The following CCDC91 variants were observed in gnomAD, a reference collection of about 807,000 sequenced individuals.
CCDC91 encodes the protein coiled-coil domain-containing protein 91.
Under a neutral mutation model 63.2 loss-of-function variants are expected in CCDC91, and 48 were observed. That is an observed-to-expected ratio of 0.76 (90% CI 0.60 to 0.97). The LOEUF is 0.97. Ranked by LOEUF, CCDC91 falls within the 50% of genes least tolerant of loss-of-function variation. The probability of loss-of-function intolerance (pLI) is 0.00; values close to 1 mark genes in which losing one functional copy is unlikely to be tolerated. For synonymous variants in CCDC91, 167 were observed against 165.8 expected (o/e 1.01, Z -0.06); for missense variants, 500 against 494.6 (o/e 1.01, Z -0.10).
At chr12:28,352,523 A>C (rs1360241535) in intron 6 of CCDC91, among the ~76,000 whole-genome samples, 1 of 152,180 alleles carries the variant, frequency 6.6e-6, no homozygotes, top group Non-Finnish European at 1.5e-5. Flanking sequence ...CCAGAAGTAG[A>C]TTCCATCTCA....
chr12:28,526,234 G>GT (rs1941251052), intron 12 of CCDC91, among the ~76,000 whole-genome samples: 1 of 151,166 alleles, frequency 6.6e-6, no homozygotes, highest in Admixed American at 6.6e-5. Context: ...GTTTTGATGT[G>GT]TTTCCAGAAT....
chr12:28,410,380 T>A (rs1947242262), intron 8 of CCDC91, among the ~76,000 whole-genome samples: 1 of 152,228 alleles, frequency 6.6e-6, no homozygotes, highest in South Asian at 2.1e-4. Context: ...TGATGTATTA[T>A]CCCCTATTCT....
chr12:28,461,573 G>C (rs1466681963), intron 11 of CCDC91, among the ~76,000 whole-genome samples: 1 of 151,848 alleles, frequency 6.6e-6, no homozygotes, highest in African/African-American at 2.4e-5. Flanking sequence ...AGTAGCCTAA[G>C]TTTTCTAAAT....
At chr12:28,219,220 G>T (rs942344879) in intron 1 of CCDC91, among the ~76,000 whole-genome samples, 4 of 151,958 alleles carry the variant, frequency 2.6e-5, no homozygotes, top group African/African-American at 9.7e-5. Flanking sequence ...GTCTTTTCAT[G>T]TGCTTAATTG....
chr12:28,425,880 G>A (rs1948287994), intron 8 of CCDC91, among the ~76,000 whole-genome samples: 1 of 152,120 alleles, frequency 6.6e-6, no homozygotes, highest in African/African-American at 2.4e-5. Flanking sequence ...ATCCCACCAG[G>A]TGATTGTGAT....
intron 12 of CCDC91, 126 bp from the exon 13 acceptor site, chr12:28,548,937 A>G: frequency 1.6e-6 from 1 of 617,648 alleles, no homozygotes. Context: ...TGAAAGTACT[A>G]TTTGATTTCC....
chr12:28,267,264 T>C (rs929392820), intron 3 of CCDC91, among the ~76,000 whole-genome samples: 21 of 151,944 alleles, frequency 1.4e-4, no homozygotes, highest in Non-Finnish European at 1.5e-5. Flanking sequence ...GATGACAGTG[T>C]ATTATATATA....
intron 8 of CCDC91, among the ~76,000 whole-genome samples, chr12:28,421,567 T>A (rs1292813890): frequency 2.0e-5 from 3 of 152,010 alleles, no homozygotes; most frequent in Admixed American, 6.6e-5. Context: ...TATGTCTTTC[T>A]TTTTTATGGC....
At chr12:28,278,684 C>G (rs1395412764) in intron 3 of CCDC91, among the ~76,000 whole-genome samples, 1 of 152,012 alleles carries the variant, frequency 6.6e-6, no homozygotes, top group Non-Finnish European at 1.5e-5. Context: ...GAAGTACTTG[C>G]TGTTCCCTAA....
At position 28,450,405 on chromosome 12, in the gene CCDC91, T is replaced by C; in HGVS notation, c.911T>C (p.Val304Ala). ...AGGCAAAGAAATAAAGAGGCATTAG[T>C]ATCCGCTGCAAAGGTATTTCCATCT... Reference protein sequence around the residue: ...EERQRNKEALVSAAKLEKEAV... With the variant: ...EERQRNKEALASAAKLEKEAV... The change falls in exon 10 of 13, where the codon GTA (valine) becomes GCA (alanine). Residue 304 changes from valine (V) to alanine (A), a missense_variant. Physicochemically the swap from Val to Ala is moderately conservative, Grantham distance 64. Transcript: ENST00000536442. 1 of 1,611,400 alleles carries C rather than the reference T, an allele frequency of 6.2e-7. No homozygotes were observed. Among genetic ancestry groups the C allele is most frequent in the African/African-American group, 1.3e-5 (1 of 74,964 alleles).
At chr12:28,510,632 G>A (rs964230770) in intron 12 of CCDC91, among the ~76,000 whole-genome samples, 3 of 151,658 alleles carry the variant, frequency 2.0e-5, no homozygotes, top group Non-Finnish European at 2.9e-5. Context: ...TTACAGACAC[G>A]CCCAGAATAA....
At chr12:28,401,342 C>G (rs2139509833) in intron 8 of CCDC91, among the ~76,000 whole-genome samples, 1 of 152,260 alleles carries the variant, frequency 6.6e-6, no homozygotes, top group East Asian at 1.9e-4. Context: ...CCTTATAAAA[C>G]CATCAGTTCT....
intron 7 of CCDC91, among the ~76,000 whole-genome samples, chr12:28,381,605 C>T (rs1722397315): frequency 6.6e-6 from 1 of 151,972 alleles, no homozygotes; most frequent in South Asian, 2.1e-4. Context: ...GAGGCAAATT[C>T]CATTTGAGAA....
intron 8 of CCDC91, among the ~76,000 whole-genome samples, chr12:28,398,786 T>A (rs1463394232): frequency 2.0e-5 from 3 of 152,206 alleles, no homozygotes; most frequent in Admixed American, 6.5e-5. Context: ...TGCTTTTTAT[T>A]TGTACATTTT....
intron 3 of CCDC91, chr12:28,302,883 G>T (rs1245407772): frequency 6.6e-6 from 1 of 152,288 alleles, no homozygotes. Context: ...TAGCTTAGAG[G>T]TGGTAATTTG....
intron 11 of CCDC91, among the ~76,000 whole-genome samples, chr12:28,458,247 A>G (rs1218522780): frequency 6.6e-6 from 1 of 151,996 alleles, no homozygotes; most frequent in Non-Finnish European, 1.5e-5. Flanking sequence ...CTAGATGATA[A>G]TAAAATCATA....
chr12:28,363,894 A>G (rs888855134), intron 7 of CCDC91, among the ~76,000 whole-genome samples: 9 of 149,484 alleles, frequency 6.0e-5, no homozygotes, highest in South Asian at 2.1e-4. Context: ...AAAAAAAAAA[A>G]AAAAGAAAAA....
chr12:28,310,139 T>G (rs1486386376), intron 6 of CCDC91, among the ~76,000 whole-genome samples: 6 of 152,046 alleles, frequency 3.9e-5, no homozygotes, highest in Admixed American at 1.3e-4. Context: ...ACCTCATCCT[T>G]GGAACTATGG....
chr12:28,360,025 T>C (rs1943775358), intron 6 of CCDC91, among the ~76,000 whole-genome samples: 2 of 152,178 alleles, frequency 1.3e-5, no homozygotes, highest in South Asian at 4.1e-4. Context: ...TAGTTATTAT[T>C]ACCTAGTTTT....
Sources: gnomAD v4.1 joint callset for allele counts (sites outside exome capture counted in the v4.1 genomes callset) on GRCh38, gnomAD v4.1.1 for gene constraint, MANE v1.5 for transcripts, NCBI Gene and HGNC (gene_info 2026-07-23, HGNC 2026-07-21) for gene names.